The following FILIP1 variants were observed in gnomAD, a reference collection of about 807,000 sequenced individuals.
FILIP1 encodes filamin A interacting protein 1.
Under a neutral mutation model 102.1 loss-of-function variants are expected in FILIP1, and 61 were observed. The ratio of observed to expected loss-of-function variants is 0.60; its 90% CI spans 0.49 to 0.74. FILIP1 has a LOEUF of 0.74. Among genes scored for constraint, FILIP1 ranks in the 30% least tolerant of loss-of-function variants. The pLI, the probability that FILIP1 is intolerant of heterozygous loss-of-function variation, is 0.00. For missense variants in FILIP1, 1,314 were observed against 1,441.2 expected (o/e 0.91, Z 1.43); for synonymous variants, 491 against 526.9 (o/e 0.93, Z 0.93).
intron 1 of FILIP1, among the ~76,000 whole-genome samples, chr6:75,444,582 GT>G (rs1237945653): frequency 6.6e-6 from 1 of 152,012 alleles, no homozygotes; most frequent in Non-Finnish European, 1.5e-5. Context: ...GAGTTTTTAG[GT>G]GTCCCCTACC....
At chr6:75,414,577 G>A (rs370957136) in intron 2 of FILIP1, 120 bp downstream of exon 2, 1 of 949,106 alleles carries the variant, frequency 1.1e-6, no homozygotes, top group Non-Finnish European at 1.6e-6. Context: ...TTAGAAATAA[G>A]GGAAACATTC....
exon 7 of FILIP1, chr6:75,295,900 G>C: frequency 2.1e-6 from 3 of 1,453,002 alleles, no homozygotes; most frequent in Non-Finnish European, 2.7e-6. Context: ...TATGTGCTTG[G>C]TTTACCATTT....
intron 1 of FILIP1, among the ~76,000 whole-genome samples, chr6:75,454,733 C>T (rs1159662755): frequency 6.6e-6 from 1 of 152,162 alleles, no homozygotes; most frequent in African/African-American, 2.4e-5. Context: ...TATTGACAAT[C>T]TTTTGCTTGT....
intron 1 of FILIP1, among the ~76,000 whole-genome samples, chr6:75,416,154 C>A (rs1777262663): frequency 6.6e-6 from 1 of 152,032 alleles, no homozygotes; most frequent in Non-Finnish European, 1.5e-5. Context: ...CCTTTATGAA[C>A]CCAACCATAC....
intron 2 of FILIP1, among the ~76,000 whole-genome samples, chr6:75,405,338 T>C (rs1438536603): frequency 1.3e-5 from 2 of 152,112 alleles, no homozygotes; most frequent in African/African-American, 4.8e-5. Flanking sequence ...ACACAATTAA[T>C]TTCCACTAAG....
intron 1 of FILIP1, among the ~76,000 whole-genome samples, chr6:75,480,266 T>A (rs2149777229): frequency 6.6e-6 from 1 of 152,300 alleles, no homozygotes; most frequent in East Asian, 1.9e-4. Flanking sequence ...TAATACTACA[T>A]TTTTATAGTA....
chr6:75,334,308 A>C (rs185731732), intron 4 of FILIP1, among the ~76,000 whole-genome samples: 23 of 152,172 alleles, frequency 1.5e-4, no homozygotes, highest in African/African-American at 5.1e-4. Context: ...GAAAACCAGG[A>C]GCACTCTTCA....
At chr6:75,478,878 T>G (rs1460142477) in intron 1 of FILIP1, among the ~76,000 whole-genome samples, 1 of 152,198 alleles carries the variant, frequency 6.6e-6, no homozygotes, top group East Asian at 1.9e-4. Context: ...AGCAATTTTA[T>G]TCTAGGTAAT....
intron 4 of FILIP1, among the ~76,000 whole-genome samples, chr6:75,350,814 C>A (rs1714125133): frequency 6.6e-6 from 1 of 152,192 alleles, no homozygotes; most frequent in African/African-American, 2.4e-5. Flanking sequence ...ATATCTGGTT[C>A]TAAATCAAAT....
chr6:75,400,725 G>T (rs992221506), intron 2 of FILIP1, among the ~76,000 whole-genome samples: 2 of 152,106 alleles, frequency 1.3e-5, no homozygotes, highest in African/African-American at 2.4e-5. Context: ...ATTCAGGGAT[G>T]GGGGAGGGAA....
At chr6:75,436,520 A>C (rs1778028002) in intron 1 of FILIP1, among the ~76,000 whole-genome samples, 1 of 152,186 alleles carries the variant, frequency 6.6e-6, no homozygotes, top group Admixed American at 6.5e-5. Flanking sequence ...GGAATCATAG[A>C]TTACCTTGAG....
chr6:75,428,923 C>CA (rs1196688493), intron 1 of FILIP1, among the ~76,000 whole-genome samples: 3 of 149,796 alleles, frequency 2.0e-5, no homozygotes, highest in Non-Finnish European at 4.4e-5. Flanking sequence ...TTTAGTCCTG[C>CA]ATAGCTACAT....
intron 2 of FILIP1, among the ~76,000 whole-genome samples, chr6:75,366,524 C>A (rs1208341547): frequency 1.3e-5 from 2 of 152,178 alleles, no homozygotes; most frequent in Non-Finnish European, 2.9e-5. Flanking sequence ...AGCTGCTAAC[C>A]TTGCTTTGAC....
At chr6:75,301,848 T>C (rs1030162681) in intron 6 of FILIP1, among the ~76,000 whole-genome samples, 8 of 152,184 alleles carry the variant, frequency 5.3e-5, no homozygotes, top group Non-Finnish European at 7.3e-5. Context: ...ATCAAGTCCA[T>C]TTTTCAGCAG....
In FILIP1 at chr6:75,431,582, T is replaced by C. The variant is rs1380272429; in HGVS notation, c.-6-16604A>G. ...GTGTGTTTGCCTTGAGTCGTTCATA[T>C]GCTGTCATCTAATGACACTTGTGGC... On this transcript the variant is annotated intron_variant, in intron 1 of 5. Coordinates refer to ENST00000237172, the MANE Select transcript of FILIP1 (RefSeq NM_015687.5). Among the ~76,000 whole-genome samples, 6 of 152,324 alleles carry C rather than the reference T, an allele frequency of 3.9e-5. No individual in the cohort carries two copies. In the East Asian group the frequency reaches 7.7e-4, roughly 20 times the overall value.
intron 3 of FILIP1, among the ~76,000 whole-genome samples, chr6:75,356,699 C>T (rs1355446369): frequency 6.6e-6 from 1 of 152,108 alleles, no homozygotes; most frequent in Admixed American, 6.5e-5. Flanking sequence ...GAACTCCTGA[C>T]CTCAGGTGAT....
At chr6:75,388,747 G>T (rs1776183076) in intron 2 of FILIP1, among the ~76,000 whole-genome samples, 1 of 152,162 alleles carries the variant, frequency 6.6e-6, no homozygotes, top group Admixed American at 6.6e-5. Context: ...CTTTACTGAA[G>T]CTGCTTTATC....
At chr6:75,450,111 T>TA (rs1244636758) in intron 1 of FILIP1, among the ~76,000 whole-genome samples, 3 of 152,034 alleles carry the variant, frequency 2.0e-5, no homozygotes, top group African/African-American at 7.2e-5. Flanking sequence ...GATTACTTTT[T>TA]AAAAATTTTT....
At chr6:75,366,523 C>A (rs542867667) in intron 2 of FILIP1, among the ~76,000 whole-genome samples, 1 of 152,306 alleles carries the variant, frequency 6.6e-6, no homozygotes, top group East Asian at 1.9e-4. Context: ...AAGCTGCTAA[C>A]CTTGCTTTGA....
Sources: gnomAD v4.1 joint callset for allele counts (sites outside exome capture counted in the v4.1 genomes callset) on GRCh38, gnomAD v4.1.1 for gene constraint, MANE v1.5 for transcripts, NCBI Gene and HGNC (gene_info 2026-07-23, HGNC 2026-07-21) for gene names.